The following PTPRA variants were observed in gnomAD, a reference collection of about 807,000 sequenced individuals.
PTPRA encodes receptor-type tyrosine-protein phosphatase alpha.
Under a neutral mutation model 104.8 loss-of-function variants are expected in PTPRA, and 25 were observed. The ratio of observed to expected loss-of-function variants is 0.24; its 90% CI spans 0.17 to 0.33. The LOEUF (loss-of-function observed/expected upper bound fraction) is 0.33, where lower values mean the gene tolerates loss of function less well. Among genes scored for constraint, PTPRA ranks in the 10% least tolerant of loss-of-function variants. The pLI, the probability that PTPRA is intolerant of heterozygous loss-of-function variation, is 1.00. For synonymous variants in PTPRA, 323 were observed against 368.9 expected (o/e 0.88, Z 1.43); for missense variants, 765 against 1,015.3 (o/e 0.75, Z 3.35).
chr20:2,924,148 G>C (rs573189267), intron 2 of PTPRA, among the ~76,000 whole-genome samples: 1 of 152,162 alleles, frequency 6.6e-6, no homozygotes, highest in African/African-American at 2.4e-5. Flanking sequence ...GTCAGGTGTG[G>C]TGGCTTACAC....
At chr20:2,865,731 TC>T in the PTPRA span, among the ~76,000 whole-genome samples, 2 of 152,148 alleles carry the variant, frequency 1.3e-5, no homozygotes, top group African/African-American at 4.8e-5. The surrounding 1 kb of genome is among the most constrained non-coding windows in gnomAD (Gnocchi z 5.2). Context: ...TGAGCTGCTT[TC>T]CCCAGGGAGG....
At chr20:3,033,120 G>A (rs2065595275) in intron 20 of PTPRA, among the ~76,000 whole-genome samples, 1 of 151,768 alleles carries the variant, frequency 6.6e-6, no homozygotes. Flanking sequence ...AGCCCTTCAG[G>A]ATCTCAGCCA....
intron 1 of PTPRA, among the ~76,000 whole-genome samples, chr20:2,903,161 G>C (rs1367263632): frequency 6.6e-6 from 1 of 152,096 alleles, no homozygotes; most frequent in Non-Finnish European, 1.5e-5. Context: ...TCGGATTTTT[G>C]GGTTAAGAAT....
chr20:3,030,120 C>T (rs1259547146), intron 20 of PTPRA, among the ~76,000 whole-genome samples: 2 of 152,156 alleles, frequency 1.3e-5, no homozygotes, highest in Non-Finnish European at 1.5e-5. Context: ...AGGACCATCT[C>T]GGCCCACTGC....
At position 2,966,557 on chromosome 20, in the gene PTPRA, G is replaced by A. The variant is rs143441363; in HGVS notation, c.415+1355G>A. Among the ~76,000 whole-genome samples the A allele has an allele frequency of 2.7e-3, 415 of 152,288 alleles. 2 individuals are homozygous for A. The highest frequency in any genetic ancestry group is 9.4e-3 in the African/African-American group (391 of 41,542). On this transcript the variant is annotated intron_variant, in intron 5 of 23. Transcript: ENST00000399903. Reference sequence around the variant, plus strand: ...TCCCACTATTCTTGATGAGATAGGGGACTGCAGACAAATAATGTCTGATAC... The same window carrying A: ...TCCCACTATTCTTGATGAGATAGGGAACTGCAGACAAATAATGTCTGATAC...
At chr20:3,010,004 A>G (rs1295076303) in intron 11 of PTPRA, among the ~76,000 whole-genome samples, 2 of 151,990 alleles carry the variant, frequency 1.3e-5, no homozygotes, top group Non-Finnish European at 2.9e-5. Flanking sequence ...ATGTGCCACC[A>G]TGCCCAGCTA....
chr20:3,027,577 C>A, intron 19 of PTPRA, 130 bp from the exon 20 acceptor site: 1 of 1,275,098 alleles, frequency 7.8e-7, no homozygotes, highest in Non-Finnish European at 1.1e-6. Context: ...TCGTCCTTGG[C>A]CACAGGGGAG....
rs777081247 is a variant in PTPRA, at chr20:3,037,146, T to C, written c.2199-8T>C. On this transcript the variant is annotated splice_polypyrimidine_tract_variant and splice_region_variant and intron_variant, in intron 22 of 23. Coordinates refer to ENST00000399903, the MANE Select transcript of PTPRA (RefSeq NM_001385305.1). This position sits in a 1 kb window ranked among gnomAD's most constrained non-coding sequence, Gnocchi z 4.3. Reference sequence around the variant, plus strand: ...ACAGGTGTGGTAAATGTGTCTGCTCTGTTGCAGCGCCGGGGCAGGAAGGAC... The same window carrying C: ...ACAGGTGTGGTAAATGTGTCTGCTCCGTTGCAGCGCCGGGGCAGGAAGGAC... The C allele has an allele frequency of 1.9e-6, 3 of 1,613,596 alleles. No homozygotes were observed. The highest frequency in any genetic ancestry group is 1.7e-5 in the Admixed American group (1 of 59,984).
At chr20:2,980,172 A>G (rs1455215435) in intron 6 of PTPRA, among the ~76,000 whole-genome samples, 3 of 151,388 alleles carry the variant, frequency 2.0e-5, no homozygotes, top group African/African-American at 7.3e-5. Context: ...TCGGCCTCCC[A>G]AAGTGTTGGG....
intron 3 of PTPRA, among the ~76,000 whole-genome samples, chr20:2,951,351 C>T (rs2061348395): frequency 6.6e-6 from 1 of 152,188 alleles, no homozygotes; most frequent in South Asian, 2.1e-4. Flanking sequence ...CCGCCCACCT[C>T]AGCCTCCCAA....
intron 3 of PTPRA, among the ~76,000 whole-genome samples, chr20:2,961,337 C>T (rs1415318556): frequency 6.6e-6 from 1 of 152,172 alleles, no homozygotes; most frequent in Non-Finnish European, 1.5e-5. Context: ...AATCCATTTT[C>T]ATAGATGTGT....
intron 1 of PTPRA, among the ~76,000 whole-genome samples, chr20:2,911,978 C>T (rs1338653991): frequency 1.3e-5 from 2 of 152,094 alleles, no homozygotes; most frequent in Admixed American, 1.3e-4. Flanking sequence ...CATGGGGACT[C>T]AGGCCTATAA....
At chr20:2,894,788 C>G (rs1330310957) in intron 1 of PTPRA, among the ~76,000 whole-genome samples, 1 of 151,890 alleles carries the variant, frequency 6.6e-6, no homozygotes. Flanking sequence ...AGATCAAGAC[C>G]ATCTTGGCTA....
At chr20:2,918,018 G>A (rs1240894219) in intron 1 of PTPRA, among the ~76,000 whole-genome samples, 1 of 150,454 alleles carries the variant, frequency 6.6e-6, no homozygotes, top group Non-Finnish European at 1.5e-5. Flanking sequence ...AACCCGGGTG[G>A]CAGAGGTTTC....
chr20:2,882,278 T>C (rs2090098645), intron 1 of PTPRA, among the ~76,000 whole-genome samples: 1 of 150,586 alleles, frequency 6.6e-6, no homozygotes, highest in South Asian at 2.1e-4. Context: ...CTCTTTTTTT[T>C]CTTTTCTTTC....
intron 3 of PTPRA, among the ~76,000 whole-genome samples, chr20:2,962,634 G>C (rs1390541306): frequency 6.6e-6 from 1 of 152,156 alleles, no homozygotes. Flanking sequence ...GCTGGGTTCT[G>C]CCAGAGATCC....
At chr20:2,897,637 C>T (rs927574897) in intron 1 of PTPRA, among the ~76,000 whole-genome samples, 1 of 152,112 alleles carries the variant, frequency 6.6e-6, no homozygotes, top group Non-Finnish European at 1.5e-5. Flanking sequence ...ATCTGCCCAC[C>T]TTGGCCTCCC....
At chr20:2,887,998 A>G (rs1163881700) in intron 1 of PTPRA, among the ~76,000 whole-genome samples, 1 of 152,158 alleles carries the variant, frequency 6.6e-6, no homozygotes, top group African/African-American at 2.4e-5. Context: ...TTTCACAGTG[A>G]TTTCCAGCCA....
intron 1 of PTPRA, among the ~76,000 whole-genome samples, chr20:2,915,634 C>G (rs2059874910): frequency 6.6e-6 from 1 of 152,192 alleles, no homozygotes; most frequent in Admixed American, 6.5e-5. Context: ...AGTGTCATAT[C>G]TAAGAATCCA....
Sources: gnomAD v4.1 joint callset for allele counts (sites outside exome capture counted in the v4.1 genomes callset) on GRCh38, gnomAD v4.1.1 for gene constraint, Gnocchi (gnomAD v3.1) non-coding constraint, MANE v1.5 for transcripts, NCBI Gene and HGNC (gene_info 2026-07-23, HGNC 2026-07-21) for gene names.